Variants in GPR55 observed in about 807,000 individuals in gnomAD.
GPR55 encodes the protein G protein-coupled receptor 55.
GPR55 carries 6 observed loss-of-function variants against 7.9 expected under a neutral mutation model. The observed-to-expected ratio is 0.76, with a 90% CI of 0.41 to 1.49. GPR55 has a LOEUF of 1.49. Ranked by LOEUF, GPR55 falls within the 40% of genes most tolerant of loss-of-function variation. GPR55 has a pLI of 0.01. For synonymous variants in GPR55, 183 were observed against 166.8 expected, an observed-to-expected ratio of 1.10 and a Z score of -0.75; for missense variants, 376 against 406.0, an observed-to-expected ratio of 0.93 and a Z score of 0.63.
At chr2:230,911,324 C>T (rs781427551) in intron 1 of GPR55, among the ~76,000 whole-genome samples, 24 of 152,192 alleles carry the variant, frequency 1.6e-4, no homozygotes, top group Non-Finnish European at 3.1e-4. Context: ...CAGGCTGAAG[C>T]AAAGAGACAG....
chr2:230,916,703 T>A (rs576809577), intron 1 of GPR55, among the ~76,000 whole-genome samples: 3 of 152,130 alleles, frequency 2.0e-5, no homozygotes, highest in Non-Finnish European at 2.9e-5. Flanking sequence ...TATTCTGTTT[T>A]TTTTTTACTT....
intron 1 of GPR55, among the ~76,000 whole-genome samples, chr2:230,934,195 A>G (rs1273060856): frequency 6.6e-6 from 1 of 152,098 alleles, no homozygotes; most frequent in Non-Finnish European, 1.5e-5. Context: ...TGCCCCTACA[A>G]CACAAAAGGC....
chr2:230,959,243 G>A (rs201130198), intron 1 of GPR55, among the ~76,000 whole-genome samples: 2 of 152,090 alleles, frequency 1.3e-5, no homozygotes, highest in Non-Finnish European at 2.9e-5. Context: ...CCCAGGAGTT[G>A]GAGACCAGCC....
chr2:230,943,641 C>CT (rs1691269115), intron 1 of GPR55, among the ~76,000 whole-genome samples: 2 of 152,336 alleles, frequency 1.3e-5, no homozygotes, highest in East Asian at 3.9e-4. Context: ...ATCCCCAGTG[C>CT]TGGAGGCGGG....
chr2:230,939,222 C>T (rs1467882917), intron 1 of GPR55, among the ~76,000 whole-genome samples: 3 of 152,210 alleles, frequency 2.0e-5, no homozygotes, highest in African/African-American at 7.2e-5. Context: ...GGGCTCTTTC[C>T]GGTGGCTCCG....
chr2:230,939,660 G>A (rs1001953706), intron 1 of GPR55, among the ~76,000 whole-genome samples: 69 of 152,186 alleles, frequency 4.5e-4, no homozygotes, highest in African/African-American at 1.5e-3. Flanking sequence ...GGCAATAACA[G>A]GGCCGTGTCC....
intron 1 of GPR55, among the ~76,000 whole-genome samples, chr2:230,949,153 T>G (rs1045475081): frequency 5.3e-5 from 8 of 151,350 alleles, no homozygotes; most frequent in East Asian, 3.9e-4. Flanking sequence ...ATGGCTCTTT[T>G]TTTGTTTGTT....
intron 1 of GPR55, among the ~76,000 whole-genome samples, chr2:230,913,790 GT>G (rs1690649878): frequency 6.6e-6 from 1 of 152,216 alleles, no homozygotes; most frequent in Non-Finnish European, 1.5e-5. Flanking sequence ...TCAAAGCCCA[GT>G]TCAAGTCTAA....
At chr2:230,939,541 G>A (rs1691188604) in intron 1 of GPR55, among the ~76,000 whole-genome samples, 1 of 152,196 alleles carries the variant, frequency 6.6e-6, no homozygotes, top group African/African-American at 2.4e-5. Flanking sequence ...GCAAGAGCTG[G>A]AATCTCATAC....
chr2:230,931,588 G>A (rs182654766), intron 1 of GPR55, among the ~76,000 whole-genome samples: 3 of 152,222 alleles, frequency 2.0e-5, no homozygotes, highest in East Asian at 1.9e-4. Flanking sequence ...TTGGCAACTC[G>A]CCTGATAAGC....
intron 1 of GPR55, among the ~76,000 whole-genome samples, chr2:230,949,831 C>G (rs1443718980): frequency 7.1e-6 from 1 of 141,524 alleles, no homozygotes; most frequent in Admixed American, 6.8e-5. Flanking sequence ...TCTCTTCTCA[C>G]TAAATTTATT....
chr2:230,954,553 A>T (rs2125071277), intron 1 of GPR55, among the ~76,000 whole-genome samples: 1 of 152,380 alleles, frequency 6.6e-6, no homozygotes, highest in East Asian at 1.9e-4. Context: ...TACAATGTGT[A>T]ATAATCACAT....
chr2:230,926,679 C>T (rs1248123241), upstream of GPR55, among the ~76,000 whole-genome samples: 6 of 143,410 alleles, frequency 4.2e-5, no homozygotes, highest in South Asian at 4.4e-4. Context: ...TTCTGGCTAC[C>T]TTCTTTTTTT....
In GPR55 at chr2:230,946,250, T is replaced by C. The variant is rs369362835; in HGVS notation, c.-135+14525A>G. Among the ~76,000 whole-genome samples the C allele has an allele frequency of 5.9e-5, 9 of 152,164 alleles. No homozygotes were observed. The East Asian group carries it at 7.7e-4, about 13-fold the overall frequency. ...GGAAGGGGGAGATGTTGGTCAAAGG[T>C]GTTTCAGTTAAGAGGAATACGTTCT... On this transcript the variant is annotated intron_variant, in intron 1 of 1. Transcript: ENST00000392039.
chr2:230,911,431 T>G (rs1690589228), intron 1 of GPR55, among the ~76,000 whole-genome samples: 1 of 152,202 alleles, frequency 6.6e-6, no homozygotes, highest in Non-Finnish European at 1.5e-5. Flanking sequence ...CAGCTCCTTT[T>G]GTCTCCTTTG....
chr2:230,934,046 C>G (rs927370453), intron 1 of GPR55, among the ~76,000 whole-genome samples: 3 of 152,168 alleles, frequency 2.0e-5, no homozygotes, highest in Admixed American at 1.3e-4. Context: ...GTCACCTGGG[C>G]TCAGGGTGCT....
At chr2:230,938,398 A>G (rs75345358) in intron 1 of GPR55, among the ~76,000 whole-genome samples, 2 of 44,232 alleles carry the variant, frequency 4.5e-5, no homozygotes, top group Non-Finnish European at 7.0e-5. Flanking sequence ...CCAGATGACC[A>G]AAAAAAAAAA....
At chr2:230,949,482 G>A (rs1249650171) in intron 1 of GPR55, among the ~76,000 whole-genome samples, 1 of 152,144 alleles carries the variant, frequency 6.6e-6, no homozygotes, top group Non-Finnish European at 1.5e-5. Flanking sequence ...GTTCTTGATA[G>A]CTATTGTAAG....
rs1559173348 is a variant in GPR55 at position 230,924,079 on chromosome 2, G to C, written c.-135+1089C>G. Reference sequence around the variant, plus strand: ...AAAAGTCCTCTGTGTATCCCAGGGGGAGCGTGTCCCTGCTGTCCTCCAGCA... The same window carrying C: ...AAAAGTCCTCTGTGTATCCCAGGGGCAGCGTGTCCCTGCTGTCCTCCAGCA... On this transcript the variant is annotated intron_variant, in intron 1 of 1. Coordinates refer to ENST00000650999, the MANE Select transcript of GPR55 (RefSeq NM_005683.4). The surrounding 1 kb of genome is among the most constrained non-coding windows in gnomAD (Gnocchi z 4.5). Among the ~76,000 whole-genome samples, 1 of 152,118 alleles carries C rather than the reference G, an allele frequency of 6.6e-6. No homozygotes were observed. Among genetic ancestry groups the C allele is most frequent in the Non-Finnish European group, 1.5e-5 (1 of 68,034 alleles).
Sources: allele counts gnomAD v4.1 joint callset (sites outside exome capture counted in the v4.1 genomes callset), GRCh38; gene constraint gnomAD v4.1.1; non-coding constraint Gnocchi (gnomAD v3.1); transcripts MANE v1.5; gene names NCBI Gene and HGNC (gene_info 2026-07-23, HGNC 2026-07-21).